Variants in SYT1 observed in about 807,000 individuals in gnomAD.
SYT1 encodes the protein synaptotagmin 1, also known as synaptotagmin-1.
SYT1 carries 8 observed loss-of-function variants against 44.8 expected under a neutral mutation model. The observed-to-expected ratio is 0.18, with a 90% CI of 0.10 to 0.32. SYT1 has a LOEUF of 0.32. Among genes scored for constraint, SYT1 ranks in the 10% least tolerant of loss-of-function variants. The pLI is 1.00. For synonymous variants in SYT1, 154 were observed against 188.8 expected (o/e 0.82, Z 1.51); for missense variants, 286 against 509.3 (o/e 0.56, Z 4.22).
chr12:79,212,179 C>G (rs1874500124), intron 3 of SYT1, among the ~76,000 whole-genome samples: 1 of 151,960 alleles, frequency 6.6e-6, no homozygotes, highest in Non-Finnish European at 1.5e-5. Context: ...TACTATGCAG[C>G]TATAAAAAAG....
At chr12:79,425,215 G>A (rs1234456812) in intron 9 of SYT1, among the ~76,000 whole-genome samples, 1 of 151,806 alleles carries the variant, frequency 6.6e-6, no homozygotes, top group Admixed American at 6.6e-5. Flanking sequence ...CTTCTTCTAA[G>A]GTAATGGCAG....
intron 1 of SYT1, among the ~76,000 whole-genome samples, chr12:78,871,861 C>G (rs546167358): frequency 6.6e-6 from 1 of 151,562 alleles, no homozygotes; most frequent in East Asian, 1.9e-4. Flanking sequence ...TCTAGAGCAC[C>G]GAGACCTCTT....
Position 79,450,467 on chromosome 12 carries a change from A to AT in SYT1, c.*1344dup, listed in dbSNP as rs1870992486. ...TGAAGCAACCTCTTATGTATACTAG[A>AT]TGCTTGATTTAGGAGGAGTTTTTAA... On this transcript the variant is annotated 3_prime_UTR_variant, in exon 11 of 11. Transcript: ENST00000261205. 6.6e-6 allele frequency: 1 copy of AT among 152,578 alleles called. No homozygotes were observed. The highest frequency in any genetic ancestry group is 2.4e-5 in the African/African-American group (1 of 41,406). The allele number at this position is 152,578 out of a possible 1,614,324, so 9.5% of individuals were successfully genotyped here.
intron 3 of SYT1, among the ~76,000 whole-genome samples, chr12:79,190,335 G>A (rs1251652279): frequency 6.6e-6 from 1 of 152,002 alleles, no homozygotes; most frequent in Non-Finnish European, 1.5e-5. Context: ...AGAAAGCTCA[G>A]CAACTTATTG....
chr12:79,109,352 G>T (rs1278554373), intron 3 of SYT1, among the ~76,000 whole-genome samples: 2 of 152,316 alleles, frequency 1.3e-5, no homozygotes, highest in African/African-American at 4.8e-5. Flanking sequence ...TGTGATGGAT[G>T]TTACTGCTTT....
chr12:79,369,482 A>G (rs1883694641), intron 9 of SYT1, among the ~76,000 whole-genome samples: 1 of 152,220 alleles, frequency 6.6e-6, no homozygotes, highest in Non-Finnish European at 1.5e-5. Context: ...AAAAGAAAAG[A>G]AAAAGAAAGT....
chr12:79,100,600 A>G (rs1182082956), intron 3 of SYT1, among the ~76,000 whole-genome samples: 1 of 152,156 alleles, frequency 6.6e-6, no homozygotes, highest in Non-Finnish European at 1.5e-5. Context: ...AATACTTATT[A>G]TCAGATGATG....
intron 9 of SYT1, among the ~76,000 whole-genome samples, chr12:79,369,923 C>CT (rs754745102): frequency 2.0e-5 from 3 of 152,074 alleles, no homozygotes; most frequent in Non-Finnish European, 4.4e-5. Context: ...AGAATGGAAT[C>CT]TTTTTTATCT....
chr12:79,301,431 G>A (rs1167144701), intron 8 of SYT1, among the ~76,000 whole-genome samples: 3 of 152,112 alleles, frequency 2.0e-5, no homozygotes, highest in African/African-American at 7.2e-5. Flanking sequence ...TTAACACCAG[G>A]CTGACGGGTT....
chr12:79,047,543 C>G (rs1347626343), intron 3 of SYT1, among the ~76,000 whole-genome samples, 181 bp downstream of exon 3: 4 of 151,794 alleles, frequency 2.6e-5, no homozygotes, highest in African/African-American at 9.7e-5. Flanking sequence ...AATCCTCTTA[C>G]ATAAGAGGGC....
chr12:79,071,582 A>G (rs1224209879), intron 3 of SYT1, among the ~76,000 whole-genome samples: 1 of 152,214 alleles, frequency 6.6e-6, no homozygotes, highest in African/African-American at 2.4e-5. Context: ...TTATTCTCTC[A>G]CAGTTCTGAA....
At chr12:79,390,669 A>G (rs576179123) in intron 9 of SYT1, among the ~76,000 whole-genome samples, 17 of 152,310 alleles carry the variant, frequency 1.1e-4, no homozygotes, top group African/African-American at 3.8e-4. Context: ...TAGTTATGCC[A>G]TAATTTTGTC....
intron 8 of SYT1, among the ~76,000 whole-genome samples, chr12:79,314,619 T>A (rs1299391766): frequency 6.6e-6 from 1 of 152,178 alleles, no homozygotes; most frequent in Non-Finnish European, 1.5e-5. Flanking sequence ...ACGTTGCTAA[T>A]GGAAGGTAAA....
chr12:78,893,755 A>C (rs2137078185), intron 1 of SYT1, among the ~76,000 whole-genome samples: 1 of 151,870 alleles, frequency 6.6e-6, no homozygotes, highest in East Asian at 1.9e-4. Context: ...GATAAGCAAA[A>C]AATAAAAACC....
intron 2 of SYT1, among the ~76,000 whole-genome samples, chr12:78,988,434 TAA>T (rs1869803752): frequency 6.8e-6 from 1 of 148,074 alleles, no homozygotes; most frequent in African/African-American, 2.5e-5. Flanking sequence ...TATATATATA[TAA>T]AATGTAAAGT....
chr12:79,086,387 A>G (rs1377707925), intron 3 of SYT1, among the ~76,000 whole-genome samples: 2 of 152,184 alleles, frequency 1.3e-5, no homozygotes, highest in Admixed American at 1.3e-4. Flanking sequence ...AGTTTAGATT[A>G]AAAGATACTG....
chr12:79,064,949 AAAG>A, intron 3 of SYT1, among the ~76,000 whole-genome samples: 1 of 138,642 alleles, frequency 7.2e-6, no homozygotes, highest in South Asian at 2.5e-4. Context: ...AGAAAGAAAG[AAAG>A]AAAGAAAGAA....
intron 1 of SYT1, chr12:78,960,372 A>G (rs894185090): frequency 6.6e-6 from 1 of 152,228 alleles, no homozygotes; most frequent in African/African-American, 2.4e-5. Flanking sequence ...TTGAGTGAAT[A>G]AGTAAATATG....
At chr12:78,877,431 TG>T (rs1203480034) in intron 1 of SYT1, among the ~76,000 whole-genome samples, 1 of 151,698 alleles carries the variant, frequency 6.6e-6, no homozygotes, top group Non-Finnish European at 1.5e-5. Context: ...AGATGATATC[TG>T]GGTGGGGACA....
Sources: gnomAD v4.1 joint callset for allele counts (sites outside exome capture counted in the v4.1 genomes callset) on GRCh38, gnomAD v4.1.1 for gene constraint, MANE v1.5 for transcripts, NCBI Gene and HGNC (gene_info 2026-07-23, HGNC 2026-07-21) for gene names.